GCN1: variants seen among roughly 807,000 people sequenced by gnomAD.
GCN1 encodes stalled ribosome sensor GCN1.
GCN1 carries 90 observed loss-of-function variants against 288.4 expected under a neutral mutation model. The ratio of observed to expected loss-of-function variants is 0.31; its 90% CI spans 0.26 to 0.37. The LOEUF (loss-of-function observed/expected upper bound fraction) is 0.37, where lower values mean the gene tolerates loss of function less well. Among genes scored for constraint, GCN1 ranks in the 10% least tolerant of loss-of-function variants. The probability of loss-of-function intolerance (pLI) is 1.00; values close to 1 mark genes in which losing one functional copy is unlikely to be tolerated. For missense variants in GCN1, 2,586 were observed against 3,419.9 expected (o/e 0.76, Z 6.08); for synonymous variants, 1,386 against 1,420.2 (o/e 0.98, Z 0.54).
Position 120,159,793 on chromosome 12 carries a change from G to T in GCN1, c.2749+32C>A, listed in dbSNP as rs997272377. On this transcript the variant is annotated intron_variant, in intron 24 of 57. Transcript: ENST00000300648. ...TCCAAGCACTCAGGGGCACCCCTGG[G>T]CCATCCCTGCAGCCAGCAAACAAGG... The T allele has an allele frequency of 2.1e-5, 33 of 1,596,106 alleles. 1 individual carries two copies. Among genetic ancestry groups the T allele is most frequent in the Middle Eastern group, 1.7e-4 (1 of 5,892 alleles).
chr12:120,193,170 T>C (rs1380140810), intron 1 of GCN1, among the ~76,000 whole-genome samples: 1 of 152,244 alleles, frequency 6.6e-6, no homozygotes, highest in Non-Finnish European at 1.5e-5. Context: ...CTGGCCAACA[T>C]GGAGAAACCC....
Position 120,131,966 on chromosome 12 carries a change from A to C in GCN1, c.7374T>G (p.Thr2458=). ...GCLGELCAFL[T]EEELSAVLQQ... Reference sequence around the variant, plus strand: ...GTAGAACGGCACTAAGCTCCTCTTCAGTCAAAAAGGCACACAGTTCCCCTA... The same window carrying C: ...GTAGAACGGCACTAAGCTCCTCTTCCGTCAAAAAGGCACACAGTTCCCCTA... The change falls in exon 54 of 58, where the codon ACT becomes ACG. Residue 2458 remains threonine, a synonymous_variant. Transcript: ENST00000300648. The C allele has an allele frequency of 6.2e-7, 1 of 1,606,164 alleles. No homozygotes were observed. Among genetic ancestry groups the C allele is most frequent in the Non-Finnish European group, 8.5e-7 (1 of 1,175,730 alleles).
Position 120,153,405 on chromosome 12 carries a change from C to A in GCN1, c.3870G>T (p.Glu1290Asp), listed in dbSNP as rs1343312644. The A allele has an allele frequency of 6.2e-7, 1 of 1,613,778 alleles. No homozygotes were observed. Among genetic ancestry groups the A allele is most frequent in the Non-Finnish European group, 8.5e-7 (1 of 1,179,902 alleles). Reference protein sequence around the residue: ...ALATLNTHGKENVNSLLPVFE... With the variant: ...ALATLNTHGKDNVNSLLPVFE... ...ATACTGGCAACAGCGAGTTGACGTT[C>A]TCCTGGAAAGCCAAACCCCTCAGAG... Residue 1290 changes from glutamate (E) to aspartate (D), a missense_variant and splice_region_variant, in exon 33 of 58, where the codon GAG becomes GAT. Physicochemically the swap from Glu to Asp is conservative, Grantham distance 45. This residue lies in a region of GCN1 where 332 missense variants were observed against 403.0 expected (regional missense o/e 0.82). Coordinates refer to ENST00000300648, the MANE Select transcript of GCN1 (RefSeq NM_006836.2). This position sits in a 1 kb window ranked among gnomAD's most constrained non-coding sequence, Gnocchi z 4.4.
chr12:120,182,356 T>C (rs532216113), intron 5 of GCN1, among the ~76,000 whole-genome samples: 2 of 152,228 alleles, frequency 1.3e-5, no homozygotes, highest in African/African-American at 2.4e-5. Flanking sequence ...CTGACAGCCA[T>C]TCCATGTTTG....
At chr12:120,176,539 C>T (rs950023972) in intron 9 of GCN1, among the ~76,000 whole-genome samples, 117 of 152,284 alleles carry the variant, frequency 7.7e-4, no homozygotes, top group Non-Finnish European at 1.5e-3. Context: ...TAACCTGAAT[C>T]GTCTCCAGAA....
intron 7 of GCN1, 96 bp from the exon 8 acceptor site, chr12:120,177,848 CA>C: frequency 1.1e-6 from 1 of 871,086 alleles, no homozygotes; most frequent in Non-Finnish European, 1.9e-6. Context: ...CCAAAAAATA[CA>C]AATCAATGCC....
chr12:120,136,771 A>AC, intron 50 of GCN1, 39 bp from the exon 51 acceptor site: 1 of 1,497,168 alleles, frequency 6.7e-7, no homozygotes, highest in Non-Finnish European at 9.3e-7. Context: ...AATCTCAAAC[A>AC]CCCTGGGCCC....
chr12:120,176,442 A>G (rs552383493), intron 9 of GCN1, among the ~76,000 whole-genome samples: 1 of 152,338 alleles, frequency 6.6e-6, no homozygotes, highest in African/African-American at 2.4e-5. Flanking sequence ...TTACTAAGAT[A>G]CACAGGGACA....
rs752368875 is a variant in GCN1, at chr12:120,151,401, G to A, written c.4063-10C>T. On this transcript the variant is annotated splice_polypyrimidine_tract_variant and intron_variant, in intron 33 of 57. Transcript: ENST00000300648. ...CTACGGACTCCTGGACCTGGGGAAG[G>A]GCCCACCTGTCAATGCTGTGGCTCC... The A allele has an allele frequency of 2.5e-6, 4 of 1,612,660 alleles. No homozygotes were observed. In the Admixed American group the frequency reaches 6.7e-5, roughly 27 times the overall value.
At position 120,158,723 on chromosome 12, in the gene GCN1, A is replaced by T. The variant is rs557429410; in HGVS notation, c.2750-108T>A. 34 of 1,011,986 alleles carry T rather than the reference A, an allele frequency of 3.4e-5. No homozygotes were observed. In the South Asian group the frequency reaches 5.6e-4, roughly 17 times the overall value. 62.7% of individuals were successfully genotyped at this position (1,011,986 alleles called of 1,614,324 possible). On this transcript the variant is annotated intron_variant, in intron 24 of 57. Transcript: ENST00000300648. This position sits in a 1 kb window ranked among gnomAD's most constrained non-coding sequence, Gnocchi z 4.3. ...CCTCATCCTTCTGACTTAAAAAAATATTTCTGCGGCTGGGCGCGGTGGCTG... is the reference window on the plus strand; with the variant it reads ...CCTCATCCTTCTGACTTAAAAAAATTTTTCTGCGGCTGGGCGCGGTGGCTG...
At chr12:120,167,352 CAAAAAAAAAAA>C (rs58505091) in intron 16 of GCN1, among the ~76,000 whole-genome samples, 2 of 73,016 alleles carry the variant, frequency 2.7e-5, no homozygotes, top group African/African-American at 4.6e-5. Flanking sequence ...AACTCCATCT[CAAAAAAAAAAA>C]AAAAAAAAAG....
intron 3 of GCN1, 125 bp downstream of exon 3, chr12:120,184,699 C>A: frequency 1.3e-6 from 1 of 744,676 alleles, no homozygotes. Flanking sequence ...GATCTAATGG[C>A]TAGGATGTGA....
intron 6 of GCN1, 28 bp downstream of exon 6, chr12:120,178,824 T>G: frequency 6.2e-7 from 1 of 1,613,258 alleles, no homozygotes; most frequent in Non-Finnish European, 8.5e-7. Context: ...GAAGAAGCAA[T>G]GCCCACCAGC....
intron 53 of GCN1, among the ~76,000 whole-genome samples, chr12:120,133,198 A>AGT (rs1455692667): frequency 6.6e-6 from 1 of 151,942 alleles, no homozygotes; most frequent in East Asian, 1.9e-4. Flanking sequence ...GGGCAGGAGG[A>AGT]GTGTGTGTGG....
At position 120,177,536 on chromosome 12, in the gene GCN1, A is replaced by T; in HGVS notation, c.749T>A (p.Leu250His). The T allele has an allele frequency of 6.2e-7, 1 of 1,610,216 alleles. No homozygotes were observed. Among genetic ancestry groups the T allele is most frequent in the Non-Finnish European group, 8.5e-7 (1 of 1,176,496 alleles). The stretch of plus-strand genomic sequence containing the variant: ...AAATTCTGAGTGGGACAGGTATCGG[A>T]GCAGAGGGGCACAGCTATCCTACAA... ...KYLLDSCAPL[L>H]RYLSHSEFKD... Residue 250 changes from leucine (L) to histidine (H), a missense_variant, in exon 9 of 58, where the codon CTC (leucine) becomes CAC (histidine). Transcript: ENST00000300648.
chr12:120,175,000 A>C (rs1432941600), intron 12 of GCN1, among the ~76,000 whole-genome samples, 162 bp downstream of exon 12: 1 of 146,968 alleles, frequency 6.8e-6, no homozygotes, highest in Non-Finnish European at 1.5e-5. Context: ...GGTGGTGTGC[A>C]CCAGTAATCC....
chr12:120,178,932 G>A lies in GCN1; in HGVS notation c.445C>T (p.Leu149Phe), dbSNP rs747803941. The change falls in exon 6 of 58, where the codon CTC becomes TTC. Residue 149 changes from leucine to phenylalanine, a missense_variant. Transcript: ENST00000300648. ...GAGCCACCCAGCACCTCCAGCAAGA[G>A]CAGGCACTGCACTTCCACCTGCCAG... is the stretch of plus-strand genomic sequence containing the variant. ...WNKLVEVQCL[L>F]LLEVLGGSHK... 3 of 1,613,626 alleles carry A rather than the reference G, an allele frequency of 1.9e-6. No individual in the cohort carries two copies. The highest frequency in any genetic ancestry group is 1.7e-5 in the Admixed American group (1 of 60,002).
At chr12:120,185,978 C>G (rs1020704949) in intron 2 of GCN1, among the ~76,000 whole-genome samples, 1 of 152,124 alleles carries the variant, frequency 6.6e-6, no homozygotes, top group Non-Finnish European at 1.5e-5. Flanking sequence ...CACCCTAACT[C>G]TGGAGTGAAA....
rs1876919145 is a variant in GCN1 at position 120,134,152 on chromosome 12, A to G, written c.7317+139T>C. Reference sequence around the variant, plus strand: ...AAACCCGAGGAAATGTTGGTGAAGCATACAGGGTGATAGAAATGTCAGGAA... The same window carrying G: ...AAACCCGAGGAAATGTTGGTGAAGCGTACAGGGTGATAGAAATGTCAGGAA... On this transcript the variant is annotated intron_variant, in intron 53 of 57. Coordinates refer to ENST00000300648, the MANE Select transcript of GCN1 (RefSeq NM_006836.2). The surrounding 1 kb of genome is among the most constrained non-coding windows in gnomAD (Gnocchi z 5.0). 4.8e-6 allele frequency: 3 copies of G among 625,514 alleles called. No individual in the cohort carries two copies. In the South Asian group the frequency reaches 5.6e-5, roughly 12 times the overall value. 38.7% of individuals were successfully genotyped at this position (625,514 alleles called of 1,614,324 possible). A position where few individuals can be genotyped will look rare whatever the true frequency, so the allele number is the denominator to read the frequency against.
Sources: gnomAD v4.1 joint callset for allele counts (sites outside exome capture counted in the v4.1 genomes callset) on GRCh38, gnomAD v4.1.1 for gene constraint, gnomAD v4.1.1 regional missense constraint, Gnocchi (gnomAD v3.1) non-coding constraint, MANE v1.5 for transcripts, NCBI Gene and HGNC (gene_info 2026-07-23, HGNC 2026-07-21) for gene names.